The following PEX7 variants were observed in gnomAD, a reference collection of about 807,000 sequenced individuals.
PEX7 encodes peroxisomal biogenesis factor 7, also known as PTS2 receptor.
In PEX7, 34 loss-of-function variants were observed where a neutral mutation model predicts 47.5. That is an observed-to-expected ratio of 0.72 (90% confidence interval 0.54 to 0.95). The LOEUF is 0.95. Ranked by LOEUF, PEX7 falls within the 40% of genes least tolerant of loss-of-function variation. PEX7 has a pLI of 0.00. For synonymous variants in PEX7, 141 were observed against 148.8 expected (o/e 0.95, Z 0.38); for missense variants, 394 against 400.3 (o/e 0.98, Z 0.13).
rs767584254 is a variant in PEX7, at chr6:136,872,172, T to G, written c.748-26T>G. On this transcript the variant is annotated intron_variant, in intron 7 of 9. Coordinates refer to ENST00000318471, the MANE Select transcript of PEX7 (RefSeq NM_000288.4). The stretch of plus-strand genomic sequence containing the variant: ...TAATCACAGCTGACTTCAAAAAGGG[T>G]TTTTTTTTTCTTTTTTTTTTTGTAG... 25 of 1,547,216 alleles carry G rather than the reference T, an allele frequency of 1.6e-5. No individual in the cohort carries two copies. The Admixed American group carries it at 3.6e-4, about 23-fold the overall frequency.
chr6:136,825,128 C>A, intron 1 of PEX7, 86 bp from the exon 2 acceptor site: 1 of 1,063,126 alleles, frequency 9.4e-7, no homozygotes, highest in Non-Finnish European at 1.5e-6. Flanking sequence ...GTATTAAAAT[C>A]AGGTATCAAT....
At chr6:136,879,830 CT>C (rs1775346500) in intron 8 of PEX7, among the ~76,000 whole-genome samples, 1 of 151,908 alleles carries the variant, frequency 6.6e-6, no homozygotes, top group African/African-American at 2.4e-5. Flanking sequence ...CATTTTCATT[CT>C]TTTGGTTGTT....
At chr6:136,825,326 G>T in intron 2 of PEX7, 55 bp downstream of exon 2, 1 of 1,394,948 alleles carries the variant, frequency 7.2e-7, no homozygotes, top group Non-Finnish European at 1.0e-6. Context: ...AGCCTTAATA[G>T]AATTAGGTTT....
rs59926627 is a variant in PEX7 at position 136,843,275 on chromosome 6, A to G, written c.340-2340A>G. Among the ~76,000 whole-genome samples, 396 of 152,344 alleles carry G rather than the reference A, an allele frequency of 2.6e-3. 2 individuals carry two copies. The highest frequency in any genetic ancestry group is 8.4e-3 in the African/African-American group (351 of 41,582). ...ATAAATGAAGATTAAATGAAATAAAATACATAAAGTGCTTATGAACAGGAT... is the reference window on the plus strand; with the variant it reads ...ATAAATGAAGATTAAATGAAATAAAGTACATAAAGTGCTTATGAACAGGAT... On this transcript the variant is annotated intron_variant, in intron 3 of 9. Coordinates refer to ENST00000318471, the MANE Select transcript of PEX7 (RefSeq NM_000288.4).
At position 136,844,154 on chromosome 6, in the gene PEX7, T is replaced by C. The variant is rs1427189972; in HGVS notation, c.340-1461T>C. ...CTGAGGCGGTAGGACTGCTTGAGCCTAGGAGTTTGAGACCAGCCTGGGGAA... is the reference window on the plus strand; with the variant it reads ...CTGAGGCGGTAGGACTGCTTGAGCCCAGGAGTTTGAGACCAGCCTGGGGAA... On this transcript the variant is annotated intron_variant, in intron 3 of 9. Transcript: ENST00000318471. Among the ~76,000 whole-genome samples, 6 of 152,118 alleles carry C rather than the reference T, an allele frequency of 3.9e-5. No individual in the cohort carries two copies. The East Asian group carries it at 1.2e-3, about 30-fold the overall frequency.
intron 8 of PEX7, among the ~76,000 whole-genome samples, chr6:136,896,810 T>C (rs1775660870): frequency 6.6e-6 from 1 of 152,224 alleles, no homozygotes; most frequent in Admixed American, 6.5e-5. Flanking sequence ...AATCAGTGAA[T>C]AACCATGTTT....
chr6:136,856,852 G>A (rs1346871559), intron 5 of PEX7, among the ~76,000 whole-genome samples: 1 of 152,122 alleles, frequency 6.6e-6, no homozygotes, highest in Admixed American at 6.5e-5. Context: ...TGAAAATCAA[G>A]TACTGGACCT....
At chr6:136,860,887 T>C (rs1025274048) in intron 5 of PEX7, among the ~76,000 whole-genome samples, 2 of 152,164 alleles carry the variant, frequency 1.3e-5, no homozygotes, top group South Asian at 2.1e-4. Flanking sequence ...TTATAGTCGC[T>C]TCTCACCACG....
In PEX7 at chr6:136,900,422, G is replaced by T; in HGVS notation, c.903+2181G>T. 4.8e-6 allele frequency: 2 copies of T among 417,924 alleles called. No individual in the cohort carries two copies. The highest frequency in any genetic ancestry group is 2.4e-5 in the Admixed American group (1 of 41,566). 25.9% of individuals were successfully genotyped at this position (417,924 alleles called of 1,614,324 possible). ...GGTTCTTTAGCCTTTGCCTTTTCCA[G>T]CTTGGCAGTGTGAGCCACAGACTTG... On this transcript the variant is annotated intron_variant, in intron 9 of 9. Coordinates refer to ENST00000318471, the MANE Select transcript of PEX7 (RefSeq NM_000288.4). This position sits in a 1 kb window ranked among gnomAD's most constrained non-coding sequence, Gnocchi z 4.2.
chr6:136,826,784 G>A (rs1441277531), intron 3 of PEX7, among the ~76,000 whole-genome samples: 1 of 152,114 alleles, frequency 6.6e-6, no homozygotes, highest in African/African-American at 2.4e-5. Context: ...CTTGCCACAT[G>A]GTGCCTTAAG....
At chr6:136,829,026 C>T (rs973371063) in intron 3 of PEX7, among the ~76,000 whole-genome samples, 5 of 152,274 alleles carry the variant, frequency 3.3e-5, no homozygotes, top group South Asian at 2.1e-4. Context: ...TTTTGGTAAG[C>T]GTTTGTATCA....
At chr6:136,878,486 C>A (rs1358694384) in intron 8 of PEX7, among the ~76,000 whole-genome samples, 1 of 152,048 alleles carries the variant, frequency 6.6e-6, no homozygotes, top group East Asian at 1.9e-4. Flanking sequence ...TCCTTCAATA[C>A]CTAGTTTATT....
At chr6:136,837,847 T>C (rs1246992781) in intron 3 of PEX7, among the ~76,000 whole-genome samples, 2 of 141,974 alleles carry the variant, frequency 1.4e-5, no homozygotes, top group South Asian at 4.5e-4. Context: ...CACACACACG[T>C]ACATGTATTT....
chr6:136,848,593 A>G (rs1007998854), intron 5 of PEX7, among the ~76,000 whole-genome samples: 4 of 152,230 alleles, frequency 2.6e-5, no homozygotes, highest in Non-Finnish European at 4.4e-5. Context: ...CCTTTTCTGC[A>G]TCTGTTGAGA....
intron 8 of PEX7, among the ~76,000 whole-genome samples, chr6:136,881,009 C>T (rs1775367937): frequency 6.6e-6 from 1 of 152,082 alleles, no homozygotes; most frequent in Non-Finnish European, 1.5e-5. Flanking sequence ...CGAATGGCAA[C>T]ACAACAGAAA....
intron 8 of PEX7, among the ~76,000 whole-genome samples, chr6:136,897,011 A>C (rs1775663887): frequency 2.0e-5 from 3 of 152,224 alleles, no homozygotes; most frequent in African/African-American, 7.2e-5. Context: ...TGAACAGGCA[A>C]ATTTTCAAAA....
In PEX7 at chr6:136,872,182, CTT is replaced by C. The variant is rs563675060; in HGVS notation, c.748-6_748-5del. ...TGACTTCAAAAAGGGTTTTTTTTTT[CTT>C]TTTTTTTTTGTAGTTTTCACCATTT... is the stretch of plus-strand genomic sequence containing the variant. On this transcript the variant is annotated splice_polypyrimidine_tract_variant and intron_variant, in intron 7 of 9. Transcript: ENST00000318471. 2.3e-5 allele frequency: 27 copies of C among 1,160,482 alleles called. No individual in the cohort carries two copies. The highest frequency in any genetic ancestry group is 6.5e-5 in the Admixed American group (3 of 45,894). 71.9% of individuals were successfully genotyped at this position (1,160,482 alleles called of 1,614,324 possible).
intron 3 of PEX7, among the ~76,000 whole-genome samples, chr6:136,842,380 A>T (rs574511070): frequency 2.6e-5 from 4 of 152,138 alleles, no homozygotes; most frequent in Admixed American, 6.5e-5. Context: ...AATGCTTGCT[A>T]CTTGGTTGTG....
At chr6:136,871,104 G>A (rs968021979) in intron 7 of PEX7, among the ~76,000 whole-genome samples, 1 of 152,096 alleles carries the variant, frequency 6.6e-6, no homozygotes, top group Admixed American at 6.6e-5. Flanking sequence ...TTGTTTAATT[G>A]GACAAGTTTT....
Sources: allele counts gnomAD v4.1 joint callset (sites outside exome capture counted in the v4.1 genomes callset), GRCh38; gene constraint gnomAD v4.1.1; non-coding constraint Gnocchi (gnomAD v3.1); transcripts MANE v1.5; gene names NCBI Gene and HGNC (gene_info 2026-07-23, HGNC 2026-07-21).